Variants in PRKN observed in about 807,000 individuals in gnomAD.
PRKN encodes the protein parkin RBR E3 ubiquitin protein ligase, also known as E3 ubiquitin-protein ligase parkin.
PRKN carries 56 observed loss-of-function variants against 59.5 expected under a neutral mutation model. That is an observed-to-expected ratio of 0.94 (90% CI 0.76 to 1.18). The LOEUF (loss-of-function observed/expected upper bound fraction) is 1.18. Ranked by LOEUF, PRKN falls within the 50% of genes most tolerant of loss-of-function variation. PRKN has a pLI of 0.00. For missense variants in PRKN, 657 were observed against 596.4 expected (o/e 1.10, Z -1.06); for synonymous variants, 250 against 222.1 (o/e 1.13, Z -1.12).
intron 1 of PRKN, among the ~76,000 whole-genome samples, chr6:162,531,940 CAAAAAA>C (rs35097200): frequency 9.4e-5 from 10 of 106,484 alleles, no homozygotes; most frequent in Admixed American, 9.6e-5. Context: ...ACTCTGACTC[CAAAAAA>C]AAAAAAAAAA....
Position 161,547,880 on chromosome 6 carries a change from T to C in PRKN, c.1083+974A>G, listed in dbSNP as rs113633589. Among the ~76,000 whole-genome samples, 3,031 of 152,264 alleles carry C rather than the reference T, an allele frequency of 0.02. 42 individuals are homozygous for C. The highest frequency in any genetic ancestry group is 0.041 in the Middle Eastern group (12 of 294). On this transcript the variant is annotated intron_variant, in intron 9 of 11. Transcript: ENST00000366898. This position sits in a 1 kb window ranked among gnomAD's most constrained non-coding sequence, Gnocchi z 4.0. The stretch of plus-strand genomic sequence containing the variant: ...ATCTCATTATTTTTCAACTTCCACT[T>C]CCTCTACTCCATTGCTCAACCCAGG...
intron 1 of PRKN, among the ~76,000 whole-genome samples, chr6:162,535,884 G>C (rs893606651): frequency 3.3e-4 from 50 of 151,380 alleles, no homozygotes; most frequent in African/African-American, 1.2e-3. Context: ...CTCCAACCTG[G>C]GTGACAGAAT....
intron 7 of PRKN, among the ~76,000 whole-genome samples, chr6:161,676,873 A>T (rs1013817662): frequency 6.6e-6 from 1 of 152,226 alleles, no homozygotes; most frequent in Non-Finnish European, 1.5e-5. Flanking sequence ...GTCAGACTAC[A>T]GGGATGAGAA....
At chr6:161,489,569 A>G (rs138902077) in intron 9 of PRKN, among the ~76,000 whole-genome samples, 1,534 of 152,260 alleles carry the variant, frequency 0.01, 28 homozygotes, top group African/African-American at 0.035. Context: ...CAAAAACAAC[A>G]ACAACAAACC....
intron 1 of PRKN, among the ~76,000 whole-genome samples, chr6:162,664,447 T>C (rs1397433044): frequency 6.6e-6 from 1 of 152,226 alleles, no homozygotes; most frequent in East Asian, 1.9e-4. Flanking sequence ...TTTATGGTTC[T>C]AGGTCCTTGA....
chr6:162,499,944 A>T (rs1793283323), intron 1 of PRKN, among the ~76,000 whole-genome samples: 5 of 152,246 alleles, frequency 3.3e-5, no homozygotes, highest in Admixed American at 1.3e-4. Context: ...ATATCTATAG[A>T]CAATATCTGA....
chr6:162,390,173 A>C (rs556888578), intron 2 of PRKN, among the ~76,000 whole-genome samples: 1 of 151,956 alleles, frequency 6.6e-6, no homozygotes, highest in Non-Finnish European at 1.5e-5. Context: ...GAAAGAGTCC[A>C]GTTCTGACTC....
intron 1 of PRKN, among the ~76,000 whole-genome samples, chr6:162,641,759 T>C (rs1403495697): frequency 6.6e-6 from 1 of 152,186 alleles, no homozygotes. Context: ...AGAGAAGTCA[T>C]TTTCTAGTTT....
chr6:161,529,501 A>C lies in PRKN; in HGVS notation c.1083+19353T>G, dbSNP rs1779128530. On this transcript the variant is annotated intron_variant, in intron 9 of 11. Transcript: ENST00000366898. This position sits in a 1 kb window ranked among gnomAD's most constrained non-coding sequence, Gnocchi z 4.4. ...TGGCACAGGAAAGGTGAAATGGCTTACTTATGATCTCACAGCAATGGGACA... is the reference window on the plus strand; with the variant it reads ...TGGCACAGGAAAGGTGAAATGGCTTCCTTATGATCTCACAGCAATGGGACA... Among the ~76,000 whole-genome samples, 1 of 152,216 alleles carries C rather than the reference A, an allele frequency of 6.6e-6. No individual in the cohort carries two copies. The highest frequency in any genetic ancestry group is 2.4e-5 in the African/African-American group (1 of 41,458).
chr6:161,572,135 T>C lies in PRKN; in HGVS notation c.872-2719A>G, dbSNP rs1026940611. Among the ~76,000 whole-genome samples the C allele has an allele frequency of 2.0e-5, 3 of 152,184 alleles. No individual in the cohort carries two copies. In the South Asian group the frequency reaches 6.2e-4, roughly 32 times the overall value. On this transcript the variant is annotated intron_variant, in intron 7 of 11. Transcript: ENST00000366898. Reference sequence around the variant, plus strand: ...TGTCTCTTTCTCTTTATAGATCCTATAGACAGAAAGGTCCTGTTTCTTGGG... The same window carrying C: ...TGTCTCTTTCTCTTTATAGATCCTACAGACAGAAAGGTCCTGTTTCTTGGG...
intron 9 of PRKN, among the ~76,000 whole-genome samples, chr6:161,510,014 G>A (rs1778327118): frequency 6.6e-6 from 1 of 152,074 alleles, no homozygotes; most frequent in Non-Finnish European, 1.5e-5. Context: ...TTTTGCCCAT[G>A]GGCTCCTGCA....
chr6:161,653,206 C>CA (rs574039778), intron 7 of PRKN, among the ~76,000 whole-genome samples: 10,407 of 150,890 alleles, frequency 0.069, 396 homozygotes, highest in African/African-American at 0.11. Flanking sequence ...ATTAAAAATA[C>CA]AAAAAAAAAT....
chr6:162,380,443 ATATG>A (rs1342708430), intron 2 of PRKN, among the ~76,000 whole-genome samples: 3 of 90,420 alleles, frequency 3.3e-5, no homozygotes, highest in African/African-American at 5.8e-5. Flanking sequence ...GTATATATAT[ATATG>A]TATATATACA....
chr6:162,559,015 G>C (rs1779727147), intron 1 of PRKN, among the ~76,000 whole-genome samples: 1 of 152,072 alleles, frequency 6.6e-6, no homozygotes, highest in African/African-American at 2.4e-5. Flanking sequence ...GCTGGGCATG[G>C]TGCCAGGTGC....
At chr6:162,560,145 A>C (rs1779775519) in intron 1 of PRKN, among the ~76,000 whole-genome samples, 1 of 152,232 alleles carries the variant, frequency 6.6e-6, no homozygotes, top group Non-Finnish European at 1.5e-5. Context: ...ATTCGTTAAT[A>C]AAGAGGTTAT....
At chr6:161,425,524 G>A (rs189363592) in intron 9 of PRKN, among the ~76,000 whole-genome samples, 9 of 147,442 alleles carry the variant, frequency 6.1e-5, no homozygotes, top group East Asian at 4.1e-4. Flanking sequence ...GGTGTCCAAC[G>A]CTGGTCTCAA....
At chr6:162,287,842 C>T (rs561179647) in intron 2 of PRKN, among the ~76,000 whole-genome samples, 6 of 152,158 alleles carry the variant, frequency 3.9e-5, no homozygotes, top group East Asian at 1.9e-4. Flanking sequence ...ATGTAGAATT[C>T]GCAGCTAAGT....
rs967669236 is a variant in PRKN, at chr6:161,499,311, G to C, written c.1083+49543C>G. On this transcript the variant is annotated intron_variant, in intron 9 of 11. Transcript: ENST00000366898. This position sits in a 1 kb window ranked among gnomAD's most constrained non-coding sequence, Gnocchi z 4.2. Reference sequence around the variant, plus strand: ...TATTTGTCATTACACATAAATGTCTGTTGCATATAGGGAAATATTTCTGTC... The same window carrying C: ...TATTTGTCATTACACATAAATGTCTCTTGCATATAGGGAAATATTTCTGTC... Among the ~76,000 whole-genome samples, 2 of 152,156 alleles carry C rather than the reference G, an allele frequency of 1.3e-5. No homozygotes were observed. Among genetic ancestry groups the C allele is most frequent in the Non-Finnish European group, 2.9e-5 (2 of 68,046 alleles).
intron 1 of PRKN, among the ~76,000 whole-genome samples, chr6:162,620,497 T>C (rs556241003): frequency 7.2e-5 from 11 of 152,356 alleles, no homozygotes; most frequent in African/African-American, 2.4e-4. Context: ...AGTAGTGTAA[T>C]TAGATCCTTA....
Sources: gnomAD v4.1 joint callset for allele counts (sites outside exome capture counted in the v4.1 genomes callset) on GRCh38, gnomAD v4.1.1 for gene constraint, Gnocchi (gnomAD v3.1) non-coding constraint, MANE v1.5 for transcripts, NCBI Gene and HGNC (gene_info 2026-07-23, HGNC 2026-07-21) for gene names.